The following FIG4 variants were observed in gnomAD, a reference collection of about 807,000 sequenced individuals.
FIG4 encodes FIG4 phosphoinositide 5-phosphatase, also known as polyphosphoinositide phosphatase.
A neutral mutation model predicts 118.6 loss-of-function variants in FIG4; 112 were observed. The ratio of observed to expected loss-of-function variants is 0.94; its 90% CI spans 0.81 to 1.11. FIG4 has a LOEUF of 1.11. FIG4 is among the 50% of genes least tolerant of loss of function. FIG4 has a pLI of 0.00. For synonymous variants in FIG4, 369 were observed against 381.2 expected (o/e 0.97, Z 0.37); for missense variants, 969 against 1,111.7 (o/e 0.87, Z 1.83).
At chr6:109,790,269 TAC>T (rs1470035219) in intron 19 of FIG4, among the ~76,000 whole-genome samples, 2 of 152,204 alleles carry the variant, frequency 1.3e-5, no homozygotes, top group African/African-American at 4.8e-5. Context: ...AGACTGCAGA[TAC>T]AGAGTCCTAA....
At chr6:109,764,055 T>A (rs1451467710) in intron 13 of FIG4, 73 bp downstream of exon 13, 1 of 950,184 alleles carries the variant, frequency 1.1e-6, no homozygotes, top group Non-Finnish European at 1.7e-6. Context: ...CTGTAAGCAA[T>A]CATGGAAAGA....
intron 10 of FIG4, among the ~76,000 whole-genome samples, chr6:109,745,137 A>T (rs979015989): frequency 6.6e-6 from 1 of 152,172 alleles, no homozygotes; most frequent in African/African-American, 2.4e-5. Flanking sequence ...AATGATTCAT[A>T]ATCCTTTGGG....
At chr6:109,719,744 G>A (rs543721424) in intron 3 of FIG4, among the ~76,000 whole-genome samples, 24 of 152,096 alleles carry the variant, frequency 1.6e-4, no homozygotes, top group African/African-American at 5.5e-4. Flanking sequence ...GTTGTATTGG[G>A]CTGTTTGACT....
rs572496275 is a variant in FIG4, at chr6:109,697,360, G to A, written c.66+5859G>A. ...TTCTGGCTCAGGGTCTCATGAAGTC[G>A]CAGTCAAGATTCAACTGGGTTGCAG... On this transcript the variant is annotated intron_variant, in intron 1 of 22. Coordinates refer to ENST00000230124, the MANE Select transcript of FIG4 (RefSeq NM_014845.6). 8.5e-5 allele frequency among the ~76,000 whole-genome samples: 13 copies of A among 152,146 alleles called. No individual in the cohort carries two copies. In the South Asian group the frequency reaches 2.5e-3, roughly 29 times the overall value.
chr6:109,803,249 A>G (rs1429854420), intron 22 of FIG4, among the ~76,000 whole-genome samples: 2 of 152,254 alleles, frequency 1.3e-5, no homozygotes, highest in African/African-American at 2.4e-5. Flanking sequence ...GCGATAAACA[A>G]CATATCTGTT....
At chr6:109,750,154 T>C (rs1776645614) in intron 10 of FIG4, among the ~76,000 whole-genome samples, 1 of 152,208 alleles carries the variant, frequency 6.6e-6, no homozygotes, top group African/African-American at 2.4e-5. Context: ...TTTTACCCTG[T>C]GTTGCGAACT....
At chr6:109,769,884 A>T (rs543372969) in intron 15 of FIG4, among the ~76,000 whole-genome samples, 1 of 152,286 alleles carries the variant, frequency 6.6e-6, no homozygotes, top group African/African-American at 2.4e-5. Flanking sequence ...ATTCCATTGT[A>T]CTCTAGCCTG....
chr6:109,781,907 TTTGA>T (rs1418431341), intron 16 of FIG4, among the ~76,000 whole-genome samples: 1 of 151,734 alleles, frequency 6.6e-6, no homozygotes, highest in Non-Finnish European at 1.5e-5. Flanking sequence ...GTTTAGTGCC[TTTGA>T]TTGTAATCAT....
chr6:109,727,917 C>G (rs1775869577), intron 4 of FIG4, among the ~76,000 whole-genome samples: 1 of 152,086 alleles, frequency 6.6e-6, no homozygotes, highest in African/African-American at 2.4e-5. Context: ...AAAGACTGTT[C>G]CAGATTTTTA....
chr6:109,715,380 T>C (rs1775399458), intron 2 of FIG4, among the ~76,000 whole-genome samples: 1 of 152,172 alleles, frequency 6.6e-6, no homozygotes, highest in Non-Finnish European at 1.5e-5. Flanking sequence ...GAATTATACT[T>C]TGCCCCTCGT....
At chr6:109,707,412 T>C (rs887097889) in intron 1 of FIG4, among the ~76,000 whole-genome samples, 1 of 148,444 alleles carries the variant, frequency 6.7e-6, no homozygotes, top group Non-Finnish European at 1.5e-5. Flanking sequence ...CATATACATA[T>C]ATACCTATAC....
chr6:109,771,366 C>G (rs1402158016), intron 15 of FIG4, among the ~76,000 whole-genome samples: 1 of 151,998 alleles, frequency 6.6e-6, no homozygotes, highest in Non-Finnish European at 1.5e-5. Context: ...AACTTGTCCT[C>G]TCTCCTTAAA....
chr6:109,726,416 G>A (rs1464085030), intron 3 of FIG4, among the ~76,000 whole-genome samples: 1 of 152,146 alleles, frequency 6.6e-6, no homozygotes, highest in African/African-American at 2.4e-5. Context: ...TTGTAGATGT[G>A]TGGTGTTATT....
chr6:109,818,916 C>T (rs144986030), intron 22 of FIG4, among the ~76,000 whole-genome samples: 1,716 of 152,262 alleles, frequency 0.011, 27 homozygotes, highest in Non-Finnish European at 0.017. Context: ...TTTGCTTTTC[C>T]GCTGCTGCAC....
chr6:109,802,905 T>G (rs1778461433), intron 22 of FIG4, among the ~76,000 whole-genome samples: 2 of 152,222 alleles, frequency 1.3e-5, no homozygotes, highest in South Asian at 4.1e-4. Flanking sequence ...AAAACCTTTT[T>G]TTTTGTTTTG....
In FIG4 at chr6:109,765,058, AAC is replaced by A; in HGVS notation, c.1484_1485del (p.Thr495SerfsTer21). The A allele has an allele frequency of 6.2e-7, 1 of 1,613,912 alleles. No homozygotes were observed. Among genetic ancestry groups the A allele is most frequent in the Non-Finnish European group, 8.5e-7 (1 of 1,179,792 alleles). Reference protein sequence around the residue: ...TNCVDCLDRTNTAQFMVGKCA... With the variant: ...TNCVDCLDRTXTAQFMVGKCA... ...CTGTGTGGACTGTTTAGATCGCACCAACACAGCACAGTTTATGGTGGGAAAAT... is the reference window on the plus strand; with the variant it reads ...CTGTGTGGACTGTTTAGATCGCACCAACAGCACAGTTTATGGTGGGAAAAT... On this transcript the variant is annotated frameshift_variant, in exon 14 of 23. Transcript: ENST00000230124. LOFTEE classifies it high-confidence loss of function.
intron 2 of FIG4, among the ~76,000 whole-genome samples, chr6:109,716,154 A>T (rs1583642646): frequency 6.6e-6 from 1 of 152,188 alleles, no homozygotes; most frequent in South Asian, 2.1e-4. Flanking sequence ...TAAGGGATTC[A>T]TGGACTCTTG....
intron 14 of FIG4, 151 bp downstream of exon 14, chr6:109,765,312 A>G: frequency 4.2e-6 from 3 of 707,500 alleles, no homozygotes; most frequent in Non-Finnish European, 7.1e-6. Context: ...TGTTTTTCTT[A>G]TATTTTCTTC....
intron 10 of FIG4, among the ~76,000 whole-genome samples, chr6:109,756,738 GGCTTCT>G (rs1404767939): frequency 1.3e-5 from 2 of 152,074 alleles, no homozygotes; most frequent in Admixed American, 6.5e-5. Flanking sequence ...CGTCTCCTGA[GGCTTCT>G]GCATTCTTGA....
Sources: gnomAD v4.1 joint callset for allele counts (sites outside exome capture counted in the v4.1 genomes callset) on GRCh38, gnomAD v4.1.1 for gene constraint, MANE v1.5 for transcripts, NCBI Gene and HGNC (gene_info 2026-07-23, HGNC 2026-07-21) for gene names.